Variants in VPS8 observed in about 807,000 individuals in gnomAD.
The protein encoded by VPS8 is VPS8 subunit of CORVET complex, also known as vacuolar protein sorting-associated protein 8 homolog.
Under a neutral mutation model 216.4 loss-of-function variants are expected in VPS8, and 129 were observed. The ratio of observed to expected loss-of-function variants is 0.60; its 90% CI spans 0.52 to 0.69. The LOEUF (loss-of-function observed/expected upper bound fraction) is 0.69, where lower values mean the gene tolerates loss of function less well. VPS8 is among the 30% of genes least tolerant of loss of function. VPS8 has a pLI of 0.00. For missense variants in VPS8, 1,531 were observed against 1,683.5 expected (o/e 0.91, Z 1.59); for synonymous variants, 571 against 565.4 (o/e 1.01, Z -0.14).
At chr3:184,866,768 T>TA in intron 16 of VPS8, 108 bp from the exon 17 acceptor site, 1 of 1,011,380 alleles carries the variant, frequency 9.9e-7, no homozygotes, top group Non-Finnish European at 1.4e-6. Flanking sequence ...CTATAATCAC[T>TA]AAAAAAGACG....
In VPS8 at chr3:185,015,247, T is replaced by G. The variant is rs1427050583; in HGVS notation, c.4003-9089T>G. On this transcript the variant is annotated intron_variant, in intron 45 of 47. Transcript: ENST00000625842. Reference sequence around the variant, plus strand: ...CTAGGTGATCAGCCATTTGATTCCCTGCAGTTAATGGTCCTGGAAGAAAGA... The same window carrying G: ...CTAGGTGATCAGCCATTTGATTCCCGGCAGTTAATGGTCCTGGAAGAAAGA... 2.0e-5 allele frequency among the ~76,000 whole-genome samples: 3 copies of G among 152,236 alleles called. No homozygotes were observed. In the East Asian group the frequency reaches 5.8e-4, roughly 29 times the overall value.
intron 22 of VPS8, among the ~76,000 whole-genome samples, chr3:184,886,789 C>T (rs1731358363): frequency 6.6e-6 from 1 of 152,018 alleles, no homozygotes; most frequent in African/African-American, 2.4e-5. Flanking sequence ...CCATGTTGGC[C>T]AGGCTGGTCT....
intron 35 of VPS8, 108 bp from the exon 36 acceptor site, chr3:184,940,089 C>A: frequency 2.5e-6 from 1 of 405,432 alleles, no homozygotes; most frequent in Non-Finnish European, 4.3e-6. Flanking sequence ...TGTGGAAATA[C>A]TCAGATATCT....
chr3:184,875,499 A>G (rs1239687213), intron 21 of VPS8, among the ~76,000 whole-genome samples: 4 of 152,114 alleles, frequency 2.6e-5, no homozygotes, highest in African/African-American at 9.7e-5. Flanking sequence ...AAGGAATTAC[A>G]GTGTTTTCTG....
At chr3:184,841,686 G>T (rs1722168540) in intron 7 of VPS8, among the ~76,000 whole-genome samples, 1 of 152,250 alleles carries the variant, frequency 6.6e-6, no homozygotes, top group African/African-American at 2.4e-5. Flanking sequence ...TGTTCAGAAT[G>T]GTGGTCTTCC....
chr3:184,956,944 A>C (rs1745711351), intron 36 of VPS8, among the ~76,000 whole-genome samples: 1 of 152,214 alleles, frequency 6.6e-6, no homozygotes, highest in Admixed American at 6.5e-5. Flanking sequence ...GAAGATAGAT[A>C]ATTAAAGAAG....
intron 42 of VPS8, among the ~76,000 whole-genome samples, chr3:184,984,445 C>T (rs1388352755): frequency 6.6e-6 from 1 of 151,620 alleles, no homozygotes; most frequent in African/African-American, 2.4e-5. Context: ...AGGCATGTGC[C>T]ACCACGCCCA....
At chr3:184,946,598 C>G (rs559394006) in intron 36 of VPS8, among the ~76,000 whole-genome samples, 1 of 152,268 alleles carries the variant, frequency 6.6e-6, no homozygotes, top group Non-Finnish European at 1.5e-5. Flanking sequence ...TCCTGGTATA[C>G]AAGGCCCTTC....
intron 22 of VPS8, among the ~76,000 whole-genome samples, chr3:184,886,541 A>G (rs1253520021): frequency 7.0e-6 from 1 of 141,890 alleles, no homozygotes; most frequent in East Asian, 3.0e-4. Context: ...ACACACACAT[A>G]TGTATACACA....
chr3:184,967,842 A>T lies in VPS8; in HGVS notation c.3316+1129A>T, dbSNP rs1215665364. Among the ~76,000 whole-genome samples, 14 of 5,714 alleles carry T rather than the reference A, an allele frequency of 2.5e-3. No homozygotes were observed. In the Admixed American group the frequency reaches 0.089, roughly 36 times the overall value. The allele number at this position is 5,714 out of a possible 152,430, so 3.7% of individuals were successfully genotyped here. On this transcript the variant is annotated intron_variant, in intron 39 of 47. Transcript: ENST00000625842. ...TCGCAACAGAGCAAAACTCCATCTC[A>T]AAAAAAAAAAAAAAATTAAATTATG...
chr3:184,900,524 A>T (rs890607552), intron 24 of VPS8, among the ~76,000 whole-genome samples: 1 of 152,164 alleles, frequency 6.6e-6, no homozygotes, highest in African/African-American at 2.4e-5. Context: ...AGTTTAGATG[A>T]TATTTCTTTC....
chr3:184,950,324 A>C (rs1171122522), intron 36 of VPS8, among the ~76,000 whole-genome samples: 2 of 142,260 alleles, frequency 1.4e-5, no homozygotes, highest in African/African-American at 5.2e-5. Context: ...CACCACATCT[A>C]AGGACTGGAT....
chr3:184,848,499 T>G (rs1039437619), intron 8 of VPS8, among the ~76,000 whole-genome samples: 3 of 151,876 alleles, frequency 2.0e-5, no homozygotes, highest in Non-Finnish European at 4.4e-5. Flanking sequence ...TACATGTGGA[T>G]TTTTTGGCTT....
In VPS8 at chr3:184,868,295, C is replaced by A; in HGVS notation, c.1506+236C>A. The A allele has an allele frequency of 6.5e-6, 3 of 462,676 alleles. No individual in the cohort carries two copies. The East Asian group carries it at 1.1e-4, about 17-fold the overall frequency. 28.7% of individuals were successfully genotyped at this position (462,676 alleles called of 1,614,324 possible). On this transcript the variant is annotated intron_variant, in intron 18 of 47. Coordinates refer to ENST00000625842, the MANE Select transcript of VPS8 (RefSeq NM_001009921.3). ...TAATAGTGGCTTAAATAAGATTTCTCTGTCATGTAAAAGCACCTGGAGCTA... is the reference window on the plus strand; with the variant it reads ...TAATAGTGGCTTAAATAAGATTTCTATGTCATGTAAAAGCACCTGGAGCTA...
At chr3:185,024,463 C>A in intron 46 of VPS8, 74 bp downstream of exon 46, 2 of 1,411,532 alleles carry the variant, frequency 1.4e-6, no homozygotes, top group South Asian at 1.3e-5. Flanking sequence ...ACAATATTCT[C>A]AACATGGCAA....
At chr3:184,854,063 A>G in intron 12 of VPS8, 51 bp from the exon 13 acceptor site, 1 of 1,612,452 alleles carries the variant, frequency 6.2e-7, no homozygotes, top group Non-Finnish European at 8.5e-7. Flanking sequence ...TTGAATACCA[A>G]ATATTTGAAA....
rs775205663 is a variant in VPS8, at chr3:184,824,756, G to C, written c.124G>C (p.Asp42His). ...SLSKFSYIDM[D>H]KELEFKNDLI... ...TTCAAAATTCTCTTACATAGATATG[G>C]ACAAGGAACTGGAGTTCAAAAATGA... is the stretch of plus-strand genomic sequence containing the variant. Residue 42 changes from aspartate (D) to histidine (H), a missense_variant, in exon 2 of 48, where the codon GAC (aspartate) becomes CAC (histidine). Physicochemically the swap from Asp to His is moderately conservative, Grantham distance 81. Coordinates refer to ENST00000625842, the MANE Select transcript of VPS8 (RefSeq NM_001009921.3). 3.7e-6 allele frequency: 6 copies of C among 1,612,836 alleles called. No individual in the cohort carries two copies. Among genetic ancestry groups the C allele is most frequent in the Non-Finnish European group, 5.1e-6 (6 of 1,179,328 alleles).
chr3:184,947,738 A>T (rs1743958864), intron 36 of VPS8, among the ~76,000 whole-genome samples: 1 of 152,202 alleles, frequency 6.6e-6, no homozygotes, highest in African/African-American at 2.4e-5. Context: ...TTGGAGTAAA[A>T]GTAAACTGGT....
At chr3:184,823,079 TTTAATA>T (rs1717959518) in intron 1 of VPS8, among the ~76,000 whole-genome samples, 1 of 152,254 alleles carries the variant, frequency 6.6e-6, no homozygotes, top group African/African-American at 2.4e-5. Flanking sequence ...ATTCATTTCT[TTTAATA>T]TGATAAAAAT....
Sources: allele counts gnomAD v4.1 joint callset (sites outside exome capture counted in the v4.1 genomes callset), GRCh38; gene constraint gnomAD v4.1.1; transcripts MANE v1.5; gene names NCBI Gene and HGNC (gene_info 2026-07-23, HGNC 2026-07-21).